Variants in DNAH8 observed in about 807,000 individuals in gnomAD.
DNAH8 encodes the protein axonemal beta dynein heavy chain 8.
In DNAH8, 382 loss-of-function variants were observed where a neutral mutation model predicts 562.1. The observed-to-expected ratio is 0.68, with a 90% CI of 0.63 to 0.74. The LOEUF is 0.74. Among genes scored for constraint, DNAH8 ranks in the 30% least tolerant of loss-of-function variants. The probability of loss-of-function intolerance (pLI) is 0.00; values close to 1 mark genes in which losing one functional copy is unlikely to be tolerated. For synonymous variants in DNAH8, 1,881 were observed against 1,919.4 expected, an observed-to-expected ratio of 0.98 and a Z score of 0.52; for missense variants, 5,203 against 5,620.4, an observed-to-expected ratio of 0.93 and a Z score of 2.37.
intron 1 of DNAH8, among the ~76,000 whole-genome samples, chr6:38,715,955 TATATA>T (rs1282416692): frequency 0.035 from 1,467 of 41,706 alleles, 85 homozygotes; most frequent in Middle Eastern, 0.058. Flanking sequence ...TATATATATA[TATATA>T]TTTTTTTTTT....
chr6:38,895,759 C>G (rs1779633129), intron 59 of DNAH8, among the ~76,000 whole-genome samples: 1 of 152,248 alleles, frequency 6.6e-6, no homozygotes, highest in Admixed American at 6.5e-5. Context: ...GGACGCTCGT[C>G]CACTACCGAC....
chr6:38,897,784 A>G (rs1779801921), intron 60 of DNAH8, among the ~76,000 whole-genome samples: 1 of 152,220 alleles, frequency 6.6e-6, no homozygotes, highest in African/African-American at 2.4e-5. Flanking sequence ...ACTCTAAAAA[A>G]TAAAAATAAA....
At chr6:38,809,450 C>T (rs1220133551) in intron 24 of DNAH8, among the ~76,000 whole-genome samples, 1 of 151,716 alleles carries the variant, frequency 6.6e-6, no homozygotes, top group African/African-American at 2.4e-5. Flanking sequence ...TATTTTTTTC[C>T]ATATGGTTAA....
chr6:38,986,260 C>CA (rs1291332796), intron 87 of DNAH8, among the ~76,000 whole-genome samples: 2 of 152,072 alleles, frequency 1.3e-5, no homozygotes, highest in Non-Finnish European at 2.9e-5. Context: ...CCTATGGTGG[C>CA]ATATAATGCA....
intron 28 of DNAH8, among the ~76,000 whole-genome samples, chr6:38,825,656 T>A (rs79949438): frequency 6.6e-6 from 1 of 152,102 alleles, no homozygotes; most frequent in Admixed American, 6.6e-5. Context: ...ATATAGGTCA[T>A]GTTGACCTGG....
chr6:38,834,491 T>C, intron 31 of DNAH8, 88 bp from the exon 32 acceptor site: 2 of 871,342 alleles, frequency 2.3e-6, no homozygotes. Context: ...AATGCTTGTT[T>C]ACTTAAATGG....
At chr6:38,740,461 C>G (rs967670077) in intron 7 of DNAH8, among the ~76,000 whole-genome samples, 1 of 152,076 alleles carries the variant, frequency 6.6e-6, no homozygotes, top group Non-Finnish European at 1.5e-5. Flanking sequence ...TTTTTCTTTG[C>G]TGTTGTAAAT....
chr6:38,970,358 T>C (rs1263104981), intron 82 of DNAH8, among the ~76,000 whole-genome samples: 1 of 152,196 alleles, frequency 6.6e-6, no homozygotes, highest in Non-Finnish European at 1.5e-5. Context: ...GGGATTCTTT[T>C]CAGGTGCCAG....
chr6:38,942,825 C>T (rs1238212816), intron 79 of DNAH8, among the ~76,000 whole-genome samples: 3 of 152,190 alleles, frequency 2.0e-5, no homozygotes, highest in African/African-American at 4.8e-5. Context: ...AGTCCCACCC[C>T]GTCTCACCTC....
chr6:39,021,009 T>A (rs1317301453), intron 91 of DNAH8, among the ~76,000 whole-genome samples: 2 of 152,164 alleles, frequency 1.3e-5, no homozygotes, highest in African/African-American at 4.8e-5. Flanking sequence ...AGCAGAATGA[T>A]TTGTATTTTT....
In DNAH8 at chr6:38,838,487, C is replaced by T. The variant is rs1774492379; in HGVS notation, c.4466+445C>T. On this transcript the variant is annotated intron_variant, in intron 33 of 92. Coordinates refer to ENST00000327475, the MANE Select transcript of DNAH8 (RefSeq NM_001206927.2). The stretch of plus-strand genomic sequence containing the variant: ...AATCTCGGCTCACTGCAAGCTCTGC[C>T]TCCCGGATTCATGCTATTCTCCTGC... Among the ~76,000 whole-genome samples, 3 of 150,932 alleles carry T rather than the reference C, an allele frequency of 2.0e-5. No homozygotes were observed. In the South Asian group the frequency reaches 6.3e-4, roughly 32 times the overall value.
At chr6:38,948,721 G>C (rs1246330485) in intron 80 of DNAH8, among the ~76,000 whole-genome samples, 1 of 152,096 alleles carries the variant, frequency 6.6e-6, no homozygotes, top group African/African-American at 2.4e-5. Flanking sequence ...ATAATCTATA[G>C]TTTTCGTACT....
At chr6:38,839,978 A>C (rs1421263285) in intron 33 of DNAH8, among the ~76,000 whole-genome samples, 1 of 152,156 alleles carries the variant, frequency 6.6e-6, no homozygotes, top group East Asian at 1.9e-4. Flanking sequence ...CACTTTTATT[A>C]GAAGATTTAA....
Position 38,974,442 on chromosome 6 carries a change from A to C in DNAH8, c.12747A>C (p.Gly4249=). Residue 4249 remains glycine (G), a synonymous_variant, in exon 85 of 93, where the codon GGA becomes GGC. Coordinates refer to ENST00000327475, the MANE Select transcript of DNAH8 (RefSeq NM_001206927.2). The stretch of plus-strand genomic sequence containing the variant: ...CAGGTTTGAAAAGAACATTTGCTGG[A>C]ATTAATCAAGACCTTCTGGACATCA... ...VRAGLKRTFA[G]INQDLLDISN... 1.2e-6 allele frequency: 2 copies of C among 1,613,952 alleles called. No homozygotes were observed. Among genetic ancestry groups the C allele is most frequent in the East Asian group, 4.5e-5 (2 of 44,888 alleles).
chr6:38,905,333 T>C (rs145301599), intron 62 of DNAH8, among the ~76,000 whole-genome samples: 3 of 152,330 alleles, frequency 2.0e-5, no homozygotes, highest in African/African-American at 4.8e-5. Flanking sequence ...TGGTAGCACA[T>C]ACATTTAACC....
At chr6:38,725,265 T>C (rs1399038772) in intron 3 of DNAH8, among the ~76,000 whole-genome samples, 1 of 150,088 alleles carries the variant, frequency 6.7e-6, no homozygotes, top group Non-Finnish European at 1.5e-5. Flanking sequence ...ACTGTACCAC[T>C]GCACTCCATC....
intron 91 of DNAH8, among the ~76,000 whole-genome samples, chr6:39,016,367 C>T (rs144721012): frequency 1.1e-4 from 16 of 151,990 alleles, no homozygotes; most frequent in East Asian, 5.8e-4. Context: ...CTGGCTAACA[C>T]GGTGAAACCC....
At chr6:38,855,972 C>T (rs937239330) in intron 41 of DNAH8, among the ~76,000 whole-genome samples, 1 of 152,180 alleles carries the variant, frequency 6.6e-6, no homozygotes, top group Non-Finnish European at 1.5e-5. Context: ...CTGTGACCCC[C>T]GTCCATGGAA....
At chr6:38,977,088 A>C (rs567348554) in intron 85 of DNAH8, among the ~76,000 whole-genome samples, 1 of 152,376 alleles carries the variant, frequency 6.6e-6, no homozygotes, top group South Asian at 2.1e-4. Context: ...GTTGCAGGGA[A>C]CAAAATGAGC....
Sources: allele counts gnomAD v4.1 joint callset (sites outside exome capture counted in the v4.1 genomes callset), GRCh38; gene constraint gnomAD v4.1.1; transcripts MANE v1.5; gene names NCBI Gene and HGNC (gene_info 2026-07-23, HGNC 2026-07-21).